Variants in AHI1 observed in about 807,000 individuals in gnomAD.
The protein encoded by AHI1 is Abelson helper integration site 1.
Under a neutral mutation model 149.3 loss-of-function variants are expected in AHI1, and 123 were observed. The observed-to-expected ratio is 0.82, with a 90% CI of 0.71 to 0.96. AHI1 has a LOEUF of 0.96. Ranked by LOEUF, AHI1 falls within the 40% of genes least tolerant of loss-of-function variation. The pLI is 0.00. For missense variants in AHI1, 1,439 were observed against 1,422.7 expected (o/e 1.01, Z -0.18); for synonymous variants, 475 against 459.8 (o/e 1.03, Z -0.42).
At chr6:135,343,075 T>A (rs1582704580) in intron 24 of AHI1, among the ~76,000 whole-genome samples, 1 of 151,794 alleles carries the variant, frequency 6.6e-6, no homozygotes, top group Non-Finnish European at 1.5e-5. Context: ...GAAAAACCTG[T>A]TAGAATATAC....
intron 5 of AHI1, among the ~76,000 whole-genome samples, chr6:135,477,974 T>A (rs945094198): frequency 6.6e-6 from 1 of 152,042 alleles, no homozygotes. Flanking sequence ...ATTTTTTTTT[T>A]ATTTTTAGTA....
chr6:135,387,286 T>C (rs1777747899), intron 23 of AHI1, among the ~76,000 whole-genome samples: 1 of 152,252 alleles, frequency 6.6e-6, no homozygotes, highest in Admixed American at 6.5e-5. Context: ...TTCTTAGAGA[T>C]GGTCAAATTC....
At chr6:135,404,354 CT>C (rs750996999) in intron 22 of AHI1, among the ~76,000 whole-genome samples, 1 of 152,172 alleles carries the variant, frequency 6.6e-6, no homozygotes, top group Non-Finnish European at 1.5e-5. Context: ...AATCGAGAGC[CT>C]TTTTGTACAC....
chr6:135,465,399 C>T (rs1438421575), intron 7 of AHI1, among the ~76,000 whole-genome samples: 1 of 151,982 alleles, frequency 6.6e-6, no homozygotes, highest in African/African-American at 2.4e-5. Context: ...CTAATGTTAT[C>T]TGTATAAGAA....
At chr6:135,305,050 G>C (rs553812904) in intron 26 of AHI1, 1 of 152,306 alleles carries the variant, frequency 6.6e-6, no homozygotes, top group South Asian at 2.1e-4. Flanking sequence ...ATCTTCAGGA[G>C]GCAGGTAAAA....
chr6:135,294,698 C>CAAAAAAAAAAAAAAAAAAAAAA (rs56734547), intron 27 of AHI1, among the ~76,000 whole-genome samples: 5 of 68,012 alleles, frequency 7.4e-5, no homozygotes, highest in Admixed American at 1.9e-4. Flanking sequence ...TCTCCAAATG[C>CAAAAAAAAAAAAAAAAAAAAAA]AAAAAAAAAA....
intron 5 of AHI1, among the ~76,000 whole-genome samples, chr6:135,471,386 C>T (rs2757652): frequency 0.96 from 145,694 of 152,300 alleles, 69,684 homozygotes; most frequent in Middle Eastern, 0.98. Flanking sequence ...CATAGCATTA[C>T]ACTGACATTT....
intron 24 of AHI1, among the ~76,000 whole-genome samples, chr6:135,357,167 G>C (rs780212897): frequency 1.3e-5 from 2 of 152,220 alleles, no homozygotes; most frequent in Non-Finnish European, 1.5e-5. Flanking sequence ...TCAATCTCCT[G>C]ACCTTGTGAT....
chr6:135,386,424 C>T (rs1200052721), intron 23 of AHI1, among the ~76,000 whole-genome samples: 1 of 150,918 alleles, frequency 6.6e-6, no homozygotes, highest in African/African-American at 2.4e-5. Flanking sequence ...CATTCTCCTG[C>T]CTCAGCCTCC....
intron 23 of AHI1, among the ~76,000 whole-genome samples, chr6:135,382,197 T>C (rs1001987797): frequency 6.6e-6 from 1 of 152,188 alleles, no homozygotes; most frequent in Non-Finnish European, 1.5e-5. Context: ...TAAAAAAAAA[T>C]GACCAGTCAC....
chr6:135,479,767 T>C (rs535859628), intron 5 of AHI1, among the ~76,000 whole-genome samples: 131 of 152,332 alleles, frequency 8.6e-4, no homozygotes, highest in Non-Finnish European at 1.5e-3. Flanking sequence ...GGTGGAATGA[T>C]ATGGTTTGGC....
At chr6:135,346,371 TTTTTA>T (rs1791219447) in intron 24 of AHI1, among the ~76,000 whole-genome samples, 1 of 151,942 alleles carries the variant, frequency 6.6e-6, no homozygotes, top group Admixed American at 6.6e-5. Flanking sequence ...ATTTTTTTTA[TTTTTA>T]TTTTTAGTAG....
At chr6:135,374,907 G>A (rs1028378340) in intron 23 of AHI1, among the ~76,000 whole-genome samples, 3 of 152,018 alleles carry the variant, frequency 2.0e-5, no homozygotes, top group Non-Finnish European at 4.4e-5. Context: ...CACTTTCAGT[G>A]GAATATTCAA....
chr6:135,422,274 T>A (rs1166099542), intron 20 of AHI1, among the ~76,000 whole-genome samples: 1 of 152,140 alleles, frequency 6.6e-6, no homozygotes, highest in Non-Finnish European at 1.5e-5. Flanking sequence ...CCCAGCACTT[T>A]GGGAGGCCAA....
chr6:135,301,367 A>G lies in AHI1; in HGVS notation c.3427-809T>C. 5 of 979,150 alleles carry G rather than the reference A, an allele frequency of 5.1e-6. No homozygotes were observed. The South Asian group carries it at 1.9e-4, about 37-fold the overall frequency. The allele number at this position is 979,150 out of a possible 1,614,324, so 60.7% of individuals were successfully genotyped here. On this transcript the variant is annotated intron_variant, in intron 26 of 28. Coordinates refer to ENST00000265602, the MANE Select transcript of AHI1 (RefSeq NM_001134831.2). Reference sequence around the variant, plus strand: ...TTCCTAATTATTTCAGTAATCCAGAAAACATAAAAACAAAATGAAATGAAA... The same window carrying G: ...TTCCTAATTATTTCAGTAATCCAGAGAACATAAAAACAAAATGAAATGAAA...
chr6:135,365,589 C>T (rs1774055257), intron 23 of AHI1, among the ~76,000 whole-genome samples: 1 of 152,068 alleles, frequency 6.6e-6, no homozygotes, highest in African/African-American at 2.4e-5. Flanking sequence ...AAAGGGGGTT[C>T]AGTTCTTGGT....
intron 26 of AHI1, chr6:135,301,442 C>A: frequency 1.0e-6 from 1 of 985,360 alleles, no homozygotes; most frequent in Non-Finnish European, 1.2e-6. Flanking sequence ...AACTGCTTTC[C>A]TGGTGTTATC....
At chr6:135,481,996 T>G (rs1021986687) in intron 5 of AHI1, among the ~76,000 whole-genome samples, 2 of 152,016 alleles carry the variant, frequency 1.3e-5, no homozygotes, top group Non-Finnish European at 2.9e-5. Context: ...TCTGGCTACT[T>G]TTAAGATTTC....
At chr6:135,302,632 A>G (rs1583587911) in intron 26 of AHI1, 1 of 1,149,186 alleles carries the variant, frequency 8.7e-7, no homozygotes, top group Non-Finnish European at 1.1e-6. Context: ...GGGGGTCCAC[A>G]TTACAAAGTT....
Sources: gnomAD v4.1 joint callset for allele counts (sites outside exome capture counted in the v4.1 genomes callset) on GRCh38, gnomAD v4.1.1 for gene constraint, MANE v1.5 for transcripts, NCBI Gene and HGNC (gene_info 2026-07-23, HGNC 2026-07-21) for gene names.